PTPN4: variants seen among roughly 807,000 people sequenced by gnomAD.
PTPN4 encodes tyrosine-protein phosphatase non-receptor type 4.
In PTPN4, 49 loss-of-function variants were observed where a neutral mutation model predicts 135.5. The observed-to-expected ratio is 0.36, with a 90% CI of 0.29 to 0.46. PTPN4 has a LOEUF of 0.46. Ranked by LOEUF, PTPN4 falls within the 20% of genes least tolerant of loss-of-function variation. The pLI is 1.00. For missense variants in PTPN4, 860 were observed against 1,101.0 expected (o/e 0.78, Z 3.10); for synonymous variants, 333 against 369.9 (o/e 0.90, Z 1.14).
chr2:119,876,590 T>C (rs1204232335), intron 3 of PTPN4, among the ~76,000 whole-genome samples: 4 of 152,138 alleles, frequency 2.6e-5, no homozygotes, highest in African/African-American at 9.7e-5. Flanking sequence ...GTACCTCATT[T>C]TGGGTTCTTT....
chr2:119,848,845 C>G (rs1235766124), intron 2 of PTPN4, among the ~76,000 whole-genome samples: 1 of 149,714 alleles, frequency 6.7e-6, no homozygotes, highest in Non-Finnish European at 1.5e-5. Context: ...GTGATCCACC[C>G]ACCTCGGCCT....
chr2:119,827,558 C>G (rs1274592499), intron 2 of PTPN4, among the ~76,000 whole-genome samples: 5 of 152,072 alleles, frequency 3.3e-5, no homozygotes, highest in African/African-American at 9.7e-5. Flanking sequence ...ACAAGTATAG[C>G]ATATATACAA....
At chr2:119,864,430 T>G (rs773101085) in intron 3 of PTPN4, among the ~76,000 whole-genome samples, 5 of 152,120 alleles carry the variant, frequency 3.3e-5, no homozygotes, top group Non-Finnish European at 7.4e-5. Flanking sequence ...GAAAGGTGAC[T>G]GTTATACCTC....
intron 13 of PTPN4, among the ~76,000 whole-genome samples, chr2:119,931,857 C>A (rs1000748593): frequency 2.0e-5 from 3 of 152,120 alleles, no homozygotes; most frequent in Admixed American, 1.3e-4. Context: ...GAATTATTAA[C>A]CCTCCAAAAT....
chr2:119,760,780 G>C (rs1690475244), intron 1 of PTPN4, among the ~76,000 whole-genome samples: 2 of 103,210 alleles, frequency 1.9e-5, no homozygotes, highest in South Asian at 3.5e-4. Flanking sequence ...CTTCTTGCAC[G>C]CTGCATGAGC....
intron 10 of PTPN4, among the ~76,000 whole-genome samples, chr2:119,908,626 A>G (rs1325495083): frequency 6.6e-6 from 1 of 152,094 alleles, no homozygotes; most frequent in Non-Finnish European, 1.5e-5. Flanking sequence ...ACACAACAAT[A>G]TAGAAATTAG....
At position 119,760,289 on chromosome 2, in the gene PTPN4, C is replaced by T; in HGVS notation, c.-113C>T. The T allele has an allele frequency of 2.5e-6, 1 of 395,966 alleles. No individual in the cohort carries two copies. The highest frequency in any genetic ancestry group is 3.6e-5 in the East Asian group (1 of 27,926). 24.5% of individuals were successfully genotyped at this position (395,966 alleles called of 1,614,324 possible). A position where few individuals can be genotyped will look rare whatever the true frequency, so the allele number is the denominator to read the frequency against. On this transcript the variant is annotated 5_prime_UTR_variant, in exon 1 of 27. Coordinates refer to ENST00000263708, the MANE Select transcript of PTPN4 (RefSeq NM_002830.4). ...CTGCTCGGGGGGCGCTGAGGTAGCC[C>T]CCCGGAGCGGCACGGAGGACGCGCT... is the stretch of plus-strand genomic sequence containing the variant.
At chr2:119,862,084 T>C (rs1001261410) in intron 2 of PTPN4, among the ~76,000 whole-genome samples, 12 of 152,206 alleles carry the variant, frequency 7.9e-5, no homozygotes, top group African/African-American at 2.9e-4. Context: ...CAAAATGATA[T>C]AGATATATGC....
intron 2 of PTPN4, among the ~76,000 whole-genome samples, chr2:119,820,923 A>G (rs1677057419): frequency 6.6e-6 from 1 of 151,224 alleles, no homozygotes; most frequent in African/African-American, 2.4e-5. Context: ...GTGTATATGT[A>G]TACACGTATA....
intron 10 of PTPN4, among the ~76,000 whole-genome samples, chr2:119,913,089 C>G (rs1018097410): frequency 3.3e-5 from 5 of 152,002 alleles, no homozygotes; most frequent in African/African-American, 1.2e-4. Flanking sequence ...GAATAATTTT[C>G]CATTTTATGG....
At chr2:119,929,600 C>T (rs1424329889) in intron 13 of PTPN4, among the ~76,000 whole-genome samples, 1 of 151,922 alleles carries the variant, frequency 6.6e-6, no homozygotes, top group African/African-American at 2.4e-5. Flanking sequence ...AATAAGGTGC[C>T]CTAGACAGAA....
In PTPN4 at chr2:119,803,304, A is replaced by G. The variant is rs147442159; in HGVS notation, c.-17-6533A>G. ...TGAGACATTTCCTGTTTTCTATTGT[A>G]TGCATATATTGCTGTAGATTTCTGT... On this transcript the variant is annotated intron_variant, in intron 1 of 26. Coordinates refer to ENST00000263708, the MANE Select transcript of PTPN4 (RefSeq NM_002830.4). Among the ~76,000 whole-genome samples the G allele has an allele frequency of 5.9e-5, 9 of 152,226 alleles. No individual in the cohort carries two copies. In the East Asian group the frequency reaches 1.5e-3, roughly 26 times the overall value.
At chr2:119,809,696 A>G (rs1354844978) in intron 1 of PTPN4, 141 bp from the exon 2 acceptor site, 2 of 724,604 alleles carry the variant, frequency 2.8e-6, no homozygotes, top group South Asian at 2.4e-5. Context: ...TATACCTACA[A>G]TTCTTATTCT....
chr2:119,773,718 A>C (rs564169291), intron 1 of PTPN4, among the ~76,000 whole-genome samples: 1 of 147,624 alleles, frequency 6.8e-6, no homozygotes, highest in Non-Finnish European at 1.5e-5. Context: ...CCTGGGTGAC[A>C]GAGCAAGACT....
intron 10 of PTPN4, among the ~76,000 whole-genome samples, chr2:119,913,943 G>GA (rs1478251372): frequency 1.3e-5 from 2 of 151,914 alleles, no homozygotes; most frequent in Non-Finnish European, 1.5e-5. Context: ...GTATTTTTCT[G>GA]AAAAAACTTT....
At chr2:119,836,394 A>G (rs1184987209) in intron 2 of PTPN4, among the ~76,000 whole-genome samples, 1 of 152,262 alleles carries the variant, frequency 6.6e-6, no homozygotes, top group African/African-American at 2.4e-5. Context: ...TGGCCTGTGT[A>G]GCAAGAAAAA....
intron 1 of PTPN4, among the ~76,000 whole-genome samples, chr2:119,808,532 G>GTTC (rs1691523227): frequency 1.3e-5 from 2 of 152,104 alleles, no homozygotes; most frequent in African/African-American, 4.8e-5. Flanking sequence ...TGAAGGACCT[G>GTTC]TTCAAGGAGA....
intron 2 of PTPN4, among the ~76,000 whole-genome samples, chr2:119,826,444 A>G (rs903976364): frequency 2.6e-5 from 4 of 152,208 alleles, no homozygotes; most frequent in African/African-American, 7.2e-5. Flanking sequence ...CTCTAAAGCA[A>G]TGATTCCTAA....
chr2:119,813,269 C>T (rs1291914755), intron 2 of PTPN4, among the ~76,000 whole-genome samples: 4 of 147,712 alleles, frequency 2.7e-5, no homozygotes, highest in African/African-American at 1.0e-4. Context: ...TTTTTTGAGA[C>T]GGAGTTTCGC....
Sources: allele counts gnomAD v4.1 joint callset (sites outside exome capture counted in the v4.1 genomes callset), GRCh38; gene constraint gnomAD v4.1.1; transcripts MANE v1.5; gene names NCBI Gene and HGNC (gene_info 2026-07-23, HGNC 2026-07-21).